Variants in CACNB2 observed in about 807,000 individuals in gnomAD.
The protein encoded by CACNB2 is voltage-dependent L-type calcium channel subunit beta-2.
CACNB2 carries 42 observed loss-of-function variants against 73.3 expected under a neutral mutation model. The ratio of observed to expected loss-of-function variants is 0.57; its 90% CI spans 0.45 to 0.74. The LOEUF (loss-of-function observed/expected upper bound fraction) is 0.74. CACNB2 is among the 30% of genes least tolerant of loss of function. CACNB2 has a pLI of 0.00. For missense variants in CACNB2, 940 were observed against 853.0 expected (o/e 1.10, Z -1.27); for synonymous variants, 348 against 310.3 (o/e 1.12, Z -1.28).
At chr10:18,346,167 TCTCA>T (rs2041443925) in intron 2 of CACNB2, among the ~76,000 whole-genome samples, 1 of 152,208 alleles carries the variant, frequency 6.6e-6, no homozygotes, top group Admixed American at 6.5e-5. Flanking sequence ...TGAGGTGGAG[TCTCA>T]CTCTGTTTCC....
At chr10:18,220,241 A>AGGGGGGG (rs1476433166) in intron 2 of CACNB2, among the ~76,000 whole-genome samples, 1 of 81,808 alleles carries the variant, frequency 1.2e-5, no homozygotes, top group African/African-American at 7.1e-5. Flanking sequence ...ATAGAGAGAG[A>AGGGGGGG]GAGAGAGAGA....
In CACNB2 at chr10:18,411,039, C is replaced by T. The variant is rs138165620; in HGVS notation, c.333+8996C>T. Among the ~76,000 whole-genome samples, 69 of 152,192 alleles carry T rather than the reference C, an allele frequency of 4.5e-4. 2 individuals carry two copies. In the East Asian group the frequency reaches 0.012, roughly 26 times the overall value. On this transcript the variant is annotated intron_variant, in intron 3 of 13. Transcript: ENST00000324631. The stretch of plus-strand genomic sequence containing the variant: ...CGATACCTTATGAAAAACGCAAGCA[C>T]AAAATATGTCACACATTCTTATTAA...
intron 2 of CACNB2, among the ~76,000 whole-genome samples, chr10:18,379,793 T>A (rs1279448505): frequency 6.6e-6 from 1 of 152,110 alleles, no homozygotes; most frequent in Non-Finnish European, 1.5e-5. Flanking sequence ...CTCAAACGAT[T>A]ATCCCATCTC....
At chr10:18,142,983 C>G (rs747731949) in intron 1 of CACNB2, among the ~76,000 whole-genome samples, 16 of 152,302 alleles carry the variant, frequency 1.1e-4, no homozygotes, top group African/African-American at 3.8e-4. Flanking sequence ...CAGATTACAC[C>G]AGATATTTTT....
At chr10:18,440,002 T>C (rs1471884208) in intron 3 of CACNB2, among the ~76,000 whole-genome samples, 4 of 152,212 alleles carry the variant, frequency 2.6e-5, no homozygotes, top group Non-Finnish European at 5.9e-5. Context: ...ACCTGAGTGA[T>C]TTATAAACAA....
At chr10:18,314,200 G>C (rs1050597060) in intron 2 of CACNB2, among the ~76,000 whole-genome samples, 5 of 152,144 alleles carry the variant, frequency 3.3e-5, no homozygotes, top group African/African-American at 1.2e-4. Context: ...CTAGAAAAAA[G>C]AGTTGTTATA....
intron 2 of CACNB2, among the ~76,000 whole-genome samples, chr10:18,371,615 G>C (rs2042587300): frequency 6.6e-6 from 1 of 152,132 alleles, no homozygotes; most frequent in Non-Finnish European, 1.5e-5. Flanking sequence ...TTGGACATTT[G>C]GGTTGGTTCC....
At chr10:18,334,757 AC>A (rs2040936976) in intron 2 of CACNB2, among the ~76,000 whole-genome samples, 1 of 151,766 alleles carries the variant, frequency 6.6e-6, no homozygotes, top group Non-Finnish European at 1.5e-5. Context: ...GGTCAAAATC[AC>A]CCCCATTCGA....
chr10:18,490,140 T>C (rs991211485), intron 3 of CACNB2, among the ~76,000 whole-genome samples: 1 of 152,144 alleles, frequency 6.6e-6, no homozygotes, highest in African/African-American at 2.4e-5. Context: ...TGATTACAGA[T>C]GTCAGCCACT....
intron 2 of CACNB2, among the ~76,000 whole-genome samples, chr10:18,389,716 C>T (rs1424554929): frequency 6.6e-6 from 1 of 152,028 alleles, no homozygotes; most frequent in Non-Finnish European, 1.5e-5. Flanking sequence ...AATTGTCTTC[C>T]CAAAGGGTTG....
intron 2 of CACNB2, among the ~76,000 whole-genome samples, chr10:18,247,159 T>G (rs967825428): frequency 6.6e-6 from 1 of 152,172 alleles, no homozygotes; most frequent in African/African-American, 2.4e-5. Context: ...TCCCTGGCCC[T>G]TCTCCCCTTC....
chr10:18,266,933 G>A (rs536297925), intron 2 of CACNB2, among the ~76,000 whole-genome samples: 10 of 152,148 alleles, frequency 6.6e-5, no homozygotes, highest in South Asian at 2.1e-4. Flanking sequence ...ATATGCCTTG[G>A]GAAATATATT....
chr10:18,459,053 C>T (rs2047430715), intron 3 of CACNB2, among the ~76,000 whole-genome samples: 1 of 152,210 alleles, frequency 6.6e-6, no homozygotes, highest in Non-Finnish European at 1.5e-5. Context: ...GCGCGAGCCA[C>T]TGCACCTGGC....
Position 18,527,660 on chromosome 10 carries a change from C to T in CACNB2, c.1017C>T (p.His339=), listed in dbSNP as rs747015946. The part of the protein sequence containing the change: ...KRSVLNNPSK[H]AIIERSNTRS... ...CGGTATTAAACAATCCCAGTAAGCA[C>T]GCAATAATAGAAAGATCCAACACAA... The change falls in exon 10 of 14, where the codon CAC becomes CAT. Residue 339 remains histidine, a synonymous_variant. Coordinates refer to ENST00000324631, the MANE Select transcript of CACNB2 (RefSeq NM_201596.3). The T allele has an allele frequency of 4.2e-5, 67 of 1,613,572 alleles. No homozygotes were observed. Among genetic ancestry groups the T allele is most frequent in the South Asian group, 6.6e-5 (6 of 91,062 alleles).
At chr10:18,196,517 C>T (rs1398425981) in intron 2 of CACNB2, among the ~76,000 whole-genome samples, 1 of 152,026 alleles carries the variant, frequency 6.6e-6, no homozygotes, top group East Asian at 1.9e-4. Context: ...GGGGCTTTGC[C>T]ATGTTCCCCA....
intron 3 of CACNB2, among the ~76,000 whole-genome samples, chr10:18,458,656 C>A (rs1397496214): frequency 6.6e-6 from 1 of 151,640 alleles, no homozygotes; most frequent in African/African-American, 2.4e-5. Flanking sequence ...CTAATAAAAT[C>A]AAGATTTTTT....
chr10:18,518,798 T>C, intron 8 of CACNB2, 112 bp from the exon 9 acceptor site: 1 of 977,952 alleles, frequency 1.0e-6, no homozygotes, highest in South Asian at 1.3e-5. Flanking sequence ...TTGCCACTCT[T>C]TCCAGATGCA....
At chr10:18,320,453 A>G (rs1203210814) in intron 2 of CACNB2, among the ~76,000 whole-genome samples, 1 of 152,114 alleles carries the variant, frequency 6.6e-6, no homozygotes, top group Non-Finnish European at 1.5e-5. Context: ...AAAAATTTTG[A>G]AAAACTAGTG....
chr10:18,272,991 T>A (rs2131652842), intron 2 of CACNB2, among the ~76,000 whole-genome samples: 1 of 152,322 alleles, frequency 6.6e-6, no homozygotes, highest in African/African-American at 2.4e-5. Context: ...GGATGGATCC[T>A]GATAATTTAA....
Sources: allele counts gnomAD v4.1 joint callset (sites outside exome capture counted in the v4.1 genomes callset), GRCh38; gene constraint gnomAD v4.1.1; transcripts MANE v1.5; gene names NCBI Gene and HGNC (gene_info 2026-07-23, HGNC 2026-07-21).